Variants in ZNF221 observed in about 807,000 individuals in gnomAD.
The protein encoded by ZNF221 is zinc finger protein 221.
ZNF221 carries 10 observed loss-of-function variants against 12.6 expected under a neutral mutation model. The ratio of observed to expected loss-of-function variants is 0.79; its 90% CI spans 0.49 to 1.34. The LOEUF (loss-of-function observed/expected upper bound fraction) is 1.34. ZNF221 is among the 40% of genes most tolerant of loss of function. ZNF221 has a pLI of 0.00. For synonymous variants in ZNF221, 232 were observed against 244.0 expected, an observed-to-expected ratio of 0.95 and a Z score of 0.46; for missense variants, 661 against 721.4, an observed-to-expected ratio of 0.92 and a Z score of 0.96.
At chr19:43,971,269 GA>G (rs563934696), downstream of ZNF221, among the ~76,000 whole-genome samples, 242 of 152,086 alleles carry the variant, frequency 1.6e-3, no homozygotes, top group African/African-American at 5.6e-3. Flanking sequence ...ACTAAATATG[GA>G]AAGAAAAAAC....
Position 43,966,094 on chromosome 19 carries a change from C to T in ZNF221, c.592C>T (p.His198Tyr). ...ACAATCACACTCAGGAGAGAAATCT[C>T]ATACATGTGGTGAGTGTGGAAAAAG... ...HQQSHSGEKS[H>Y]TCGECGKSFC... is the part of the protein sequence containing the mutation. The change falls in exon 5 of 5, where the codon CAT becomes TAT. Residue 198 changes from histidine (H) to tyrosine (Y), a missense_variant. His to Tyr is a moderately conservative substitution (Grantham distance 83). Coordinates refer to ENST00000587682, the MANE Select transcript of ZNF221 (RefSeq NM_001297588.2). 1 of 1,614,220 alleles carries T rather than the reference C, an allele frequency of 6.2e-7. No homozygotes were observed. The highest frequency in any genetic ancestry group is 8.5e-7 in the Non-Finnish European group (1 of 1,180,030).
Position 43,967,254 on chromosome 19 carries a change from C to T in ZNF221, c.1752C>T (p.His584=). 1 of 1,614,076 alleles carries T rather than the reference C, an allele frequency of 6.2e-7. No individual in the cohort carries two copies. The highest frequency in any genetic ancestry group is 1.1e-5 in the South Asian group (1 of 91,072). The stretch of plus-strand genomic sequence containing the variant: ...GTCTTTTGAAACATCAGAGACTCCA[C>T]AGTGGAGAAAAGCCATTGAAATCTG... ...ASCLLKHQRL[H]SGEKPLKSGV... The change falls in exon 5 of 5, where the codon CAC becomes CAT. Residue 584 remains histidine (H), a synonymous_variant. Transcript: ENST00000587682.
chr19:43,966,739 C>G lies in ZNF221; in HGVS notation c.1237C>G (p.Gln413Glu). 1 of 1,614,190 alleles carries G rather than the reference C, an allele frequency of 6.2e-7. No individual in the cohort carries two copies. Among genetic ancestry groups the G allele is most frequent in the South Asian group, 1.1e-5 (1 of 91,084 alleles). ...ATGGTCCTCATGTCTTTTGAACCATCAGCAAGTCCACAGTGGACAAAAATC... is the reference window on the plus strand; with the variant it reads ...ATGGTCCTCATGTCTTTTGAACCATGAGCAAGTCCACAGTGGACAAAAATC... ...FRWSSCLLNH[Q>E]QVHSGQKSFK... Residue 413 changes from glutamine (Q) to glutamate (E), a missense_variant, in exon 5 of 5, where the codon CAG becomes GAG. Physicochemically the swap from Gln to Glu is conservative, Grantham distance 29. Transcript: ENST00000587682.
intron 1 of ZNF221, chr19:43,961,982 A>C (rs1044446260): frequency 6.6e-6 from 1 of 152,296 alleles, no homozygotes. Context: ...GTTACTTTTT[A>C]ATTAAATTTT....
chr19:43,959,977 C>CT (rs34866568), intron 1 of ZNF221, among the ~76,000 whole-genome samples: 87,224 of 148,692 alleles, frequency 0.59, 25,510 homozygotes, highest in East Asian at 0.68. Flanking sequence ...AAACTTGGAA[C>CT]TTTTTTTTTT....
the ZNF221 span, chr19:43,977,036 A>C: frequency 1.1e-4 from 17 of 152,236 alleles, no homozygotes; most frequent in African/African-American, 4.1e-4. Context: ...AGCCAGTAAA[A>C]TGATGACATA....
the ZNF221 span, among the ~76,000 whole-genome samples, chr19:43,979,305 G>A: frequency 6.6e-6 from 1 of 151,962 alleles, no homozygotes; most frequent in Non-Finnish European, 1.5e-5. Flanking sequence ...GTATCCTGGT[G>A]TACTGAATAT....
At chr19:43,968,170 A>G (rs1038554337), downstream of ZNF221, 2 of 152,294 alleles carry the variant, frequency 1.3e-5, no homozygotes, top group African/African-American at 4.8e-5. Context: ...CAGGAGGGAA[A>G]ATATTTAAGT....
intron 1 of ZNF221, among the ~76,000 whole-genome samples, chr19:43,957,022 C>T (rs1166597907): frequency 1.3e-5 from 2 of 152,184 alleles, no homozygotes; most frequent in East Asian, 1.9e-4. Flanking sequence ...AGTTTGGTTA[C>T]AGCTCAGCTT....
chr19:43,979,422 CATATATAT>C, the ZNF221 span, among the ~76,000 whole-genome samples: 1 of 138,534 alleles, frequency 7.2e-6, no homozygotes, highest in African/African-American at 2.7e-5. Context: ...AACAGTAATA[CATATATAT>C]ATATATATAT....
At chr19:43,959,173 G>T (rs1239400208) in intron 1 of ZNF221, among the ~76,000 whole-genome samples, 1 of 152,162 alleles carries the variant, frequency 6.6e-6, no homozygotes, top group Non-Finnish European at 1.5e-5. Flanking sequence ...TCACAATCCA[G>T]TTGAGTAAAG....
Position 43,955,595 on chromosome 19 carries a change from T to A in ZNF221, c.-3+4195T>A, listed in dbSNP as rs537820212. On this transcript the variant is annotated intron_variant, in intron 1 of 4. Transcript: ENST00000587682. ...CCCCTTTAATAGACCAGATCTCCAC[T>A]GCTCTTCTGCCTGAGTGTATGGCCA... is the stretch of plus-strand genomic sequence containing the variant. 2.6e-5 allele frequency among the ~76,000 whole-genome samples: 4 copies of A among 152,346 alleles called. No homozygotes were observed. In the South Asian group the frequency reaches 8.3e-4, roughly 32 times the overall value.
chr19:43,967,872 C>G, downstream of ZNF221: 1 of 183,338 alleles, frequency 5.5e-6, no homozygotes, highest in Non-Finnish European at 1.2e-5. Flanking sequence ...AGGCACTTGA[C>G]TTGATATGCA....
Position 43,967,386 on chromosome 19 carries a change from G to T in ZNF221, c.*30G>T, listed in dbSNP as rs776478539. Reference sequence around the variant, plus strand: ...GAGAAGTGTGGGAAGGGCTTTGGCTGGGCCTCAACTCATCTGACCCATCAA... The same window carrying T: ...GAGAAGTGTGGGAAGGGCTTTGGCTTGGCCTCAACTCATCTGACCCATCAA... On this transcript the variant is annotated 3_prime_UTR_variant, in exon 5 of 5. Transcript: ENST00000587682. The T allele has an allele frequency of 1.3e-6, 2 of 1,546,356 alleles. No individual in the cohort carries two copies. The highest frequency in any genetic ancestry group is 2.4e-5 in the South Asian group (2 of 84,912).
At chr19:43,971,172 C>T (rs769531350), downstream of ZNF221, among the ~76,000 whole-genome samples, 1 of 152,038 alleles carries the variant, frequency 6.6e-6, no homozygotes, top group Non-Finnish European at 1.5e-5. Flanking sequence ...GCTTTATGTG[C>T]AAAGAAATAA....
intron 1 of ZNF221, among the ~76,000 whole-genome samples, chr19:43,955,032 A>C (rs536164125): frequency 1.3e-5 from 2 of 151,086 alleles, no homozygotes; most frequent in Admixed American, 1.3e-4. Flanking sequence ...CTATCAAACT[A>C]TTACTCTGAG....
In ZNF221 at chr19:43,965,016, G is replaced by T; in HGVS notation, c.148G>T (p.Ala50Ser). The change falls in exon 3 of 5, where the codon GCC (alanine) becomes TCC (serine). Residue 50 changes from alanine to serine, a missense_variant. Transcript: ENST00000587682. The part of the protein sequence containing the change: ...TEEELGLLDP[A>S]QRKLYRDVML... ...GGAGGAGCTGGGGCTGCTGGACCCT[G>T]CCCAGAGGAAGCTGTACCGAGATGT... 1 of 1,614,194 alleles carries T rather than the reference G, an allele frequency of 6.2e-7. No individual in the cohort carries two copies. The highest frequency in any genetic ancestry group is 8.5e-7 in the Non-Finnish European group (1 of 1,180,036).
intron 1 of ZNF221, among the ~76,000 whole-genome samples, chr19:43,956,868 G>A (rs1327328749): frequency 6.6e-6 from 1 of 152,144 alleles, no homozygotes; most frequent in African/African-American, 2.4e-5. Flanking sequence ...ATTTAATTGA[G>A]CAAAAAACAA....
rs370517227 is a variant in ZNF221, at chr19:43,965,247, C to T, written c.223C>T (p.His75Tyr). The stretch of plus-strand genomic sequence containing the variant: ...TGTGTTCACAGGGAATCAACCATTC[C>T]ACCAAGATACTTTCCACTTCTTAGG... ...NLLSVGNQPF[H>Y]QDTFHFLGKE... is the part of the protein sequence containing the mutation. Residue 75 changes from histidine (H) to tyrosine (Y), a missense_variant, in exon 4 of 5, where the codon CAC becomes TAC. Coordinates refer to ENST00000587682, the MANE Select transcript of ZNF221 (RefSeq NM_001297588.2). 6.2e-7 allele frequency: 1 copy of T among 1,611,806 alleles called. No homozygotes were observed. Among genetic ancestry groups the T allele is most frequent in the African/African-American group, 1.3e-5 (1 of 74,794 alleles).
Sources: allele counts gnomAD v4.1 joint callset (sites outside exome capture counted in the v4.1 genomes callset), GRCh38; gene constraint gnomAD v4.1.1; transcripts MANE v1.5; gene names NCBI Gene and HGNC (gene_info 2026-07-23, HGNC 2026-07-21).